The following LRIG2 variants were observed in gnomAD, a reference collection of about 807,000 sequenced individuals.
LRIG2 encodes leucine rich repeats and immunoglobulin like domains 2, also known as leucine-rich repeats and immunoglobulin-like domains protein 2.
LRIG2 carries 93 observed loss-of-function variants against 107.8 expected under a neutral mutation model. The observed-to-expected ratio is 0.86, with a 90% CI of 0.73 to 1.03. The LOEUF (loss-of-function observed/expected upper bound fraction) is 1.03, where lower values mean the gene tolerates loss of function less well. LRIG2 is among the 50% of genes least tolerant of loss of function. LRIG2 has a pLI of 0.00. For missense variants in LRIG2, 1,226 were observed against 1,296.0 expected, an observed-to-expected ratio of 0.95 and a Z score of 0.83; for synonymous variants, 471 against 470.6, an observed-to-expected ratio of 1.00 and a Z score of -0.01.
intron 12 of LRIG2, among the ~76,000 whole-genome samples, chr1:113,108,369 G>A (rs1221414545): frequency 2.6e-5 from 4 of 151,250 alleles, no homozygotes; most frequent in East Asian, 2.0e-4. Context: ...GATTACAGGC[G>A]TGTGCCACCA....
chr1:113,085,651 A>G (rs562124808), intron 1 of LRIG2, among the ~76,000 whole-genome samples: 1 of 152,306 alleles, frequency 6.6e-6, no homozygotes, highest in African/African-American at 2.4e-5. Context: ...CCACAAAGCA[A>G]AAATGCTTCC....
chr1:113,095,558 G>A (rs111553380), intron 6 of LRIG2, among the ~76,000 whole-genome samples: 3 of 151,930 alleles, frequency 2.0e-5, no homozygotes, highest in African/African-American at 7.2e-5. Context: ...ACAGGCGCGC[G>A]CCACCGTGCC....
At chr1:113,107,896 C>T in intron 12 of LRIG2, 139 bp downstream of exon 12, 2 of 714,370 alleles carry the variant, frequency 2.8e-6, no homozygotes, top group East Asian at 6.0e-5. Flanking sequence ...TGATCACAGG[C>T]ATTTTAATGA....
At chr1:113,091,267 T>C (rs375806256) in intron 1 of LRIG2, 51 bp from the exon 2 acceptor site, 179 of 1,195,868 alleles carry the variant, frequency 1.5e-4, no homozygotes, top group South Asian at 8.2e-4. Context: ...TTTTTTTCTT[T>C]AGGTCTACTT....
intron 11 of LRIG2, among the ~76,000 whole-genome samples, chr1:113,102,302 G>A (rs1218169772): frequency 1.3e-5 from 2 of 148,982 alleles, no homozygotes; most frequent in African/African-American, 5.0e-5. Flanking sequence ...ATGCAATCTC[G>A]CTCTTGCCCA....
chr1:113,086,174 T>A (rs1489389180), intron 1 of LRIG2, among the ~76,000 whole-genome samples: 1 of 151,966 alleles, frequency 6.6e-6, no homozygotes, highest in South Asian at 2.1e-4. Context: ...TGGCTAATTT[T>A]TTATATTTTT....
chr1:113,096,012 C>T lies in LRIG2; in HGVS notation c.942C>T (p.Ser314=), dbSNP rs772910591. ...PDAWEFCQRL[S]ELDLSYNQLT... ...CATGGGAGTTCTGCCAAAGACTATC[C>T]GAACTGTAAGTGTTGGATAGCATTT... Residue 314 remains serine, a synonymous_variant, in exon 7 of 18, where the codon TCC becomes TCT. Transcript: ENST00000361127. 24 of 1,613,976 alleles carry T rather than the reference C, an allele frequency of 1.5e-5. No individual in the cohort carries two copies. Among genetic ancestry groups the T allele is most frequent in the Non-Finnish European group, 1.8e-5 (21 of 1,180,024 alleles).
chr1:113,073,616 G>C lies in LRIG2; in HGVS notation c.210G>C (p.Ser70=), dbSNP rs1384507781. 1 of 1,613,256 alleles carries C rather than the reference G, an allele frequency of 6.2e-7. No homozygotes were observed. The highest frequency in any genetic ancestry group is 1.7e-5 in the Admixed American group (1 of 60,014). Residue 70 remains serine (S), a synonymous_variant, in exon 1 of 18, where the codon TCG becomes TCC. Coordinates refer to ENST00000361127, the MANE Select transcript of LRIG2 (RefSeq NM_014813.3). The part of the protein sequence containing the change: ...KLPAPSWRAL[S]GLLPPDTAIL... ...CCGCACCGAGCTGGAGGGCGCTGTCGGGCTTGCTGCCCCCCGACACCGCTA... is the reference window on the plus strand; with the variant it reads ...CCGCACCGAGCTGGAGGGCGCTGTCCGGCTTGCTGCCCCCCGACACCGCTA...
chr1:113,078,796 A>G (rs930969652), intron 1 of LRIG2, among the ~76,000 whole-genome samples: 3 of 151,300 alleles, frequency 2.0e-5, no homozygotes, highest in Admixed American at 6.6e-5. Context: ...ATGCACCACC[A>G]CGCCCAGCTA....
At chr1:113,114,931 T>C (rs2101061644) in intron 15 of LRIG2, 55 bp downstream of exon 15, 6 of 1,375,180 alleles carry the variant, frequency 4.4e-6, no homozygotes, top group Non-Finnish European at 6.0e-6. Context: ...GAATGTAGTA[T>C]AGGATTAATT....
intron 17 of LRIG2, among the ~76,000 whole-genome samples, chr1:113,119,874 A>G (rs184231945): frequency 2.2e-4 from 34 of 152,202 alleles, no homozygotes; most frequent in African/African-American, 7.9e-4. Context: ...TAGTGGTGCA[A>G]TCTTGGCTCA....
intron 2 of LRIG2, among the ~76,000 whole-genome samples, chr1:113,092,497 T>C (rs1426222061): frequency 6.6e-6 from 1 of 152,094 alleles, no homozygotes; most frequent in Non-Finnish European, 1.5e-5. Context: ...AAAATATATA[T>C]ACATTTGTGT....
At chr1:113,080,699 C>G (rs1653230987) in intron 1 of LRIG2, among the ~76,000 whole-genome samples, 1 of 152,030 alleles carries the variant, frequency 6.6e-6, no homozygotes, top group African/African-American at 2.4e-5. Context: ...TTTTAACTAT[C>G]TTACTATATG....
rs147717112 is a variant in LRIG2, at chr1:113,103,120, A to G, written c.1313+2632A>G. On this transcript the variant is annotated intron_variant, in intron 11 of 17. Coordinates refer to ENST00000361127, the MANE Select transcript of LRIG2 (RefSeq NM_014813.3). ...GGTCAAAGCAAATATTGCAGTCTCA[A>G]TCTTCAGAGAGTCATTTAGTAATTT... 3.3e-5 allele frequency: 5 copies of G among 152,274 alleles called. No individual in the cohort carries two copies. In the East Asian group the frequency reaches 9.6e-4, roughly 29 times the overall value. 9.4% of individuals were successfully genotyped at this position (152,274 alleles called of 1,614,324 possible).
At chr1:113,107,838 TTCCACTAGG>T in intron 12 of LRIG2, 81 bp downstream of exon 12, 3 of 1,259,300 alleles carry the variant, frequency 2.4e-6, no homozygotes, top group South Asian at 1.4e-5. Context: ...CAGAATGGTT[TTCCACTAGG>T]AATTTTTGTA....
intron 11 of LRIG2, among the ~76,000 whole-genome samples, chr1:113,101,985 G>GA (rs140502656): frequency 2.6e-4 from 39 of 148,844 alleles, no homozygotes; most frequent in Admixed American, 2.7e-4. Flanking sequence ...AACAACTGAA[G>GA]AAAAAAAAAA....
At chr1:113,087,520 TG>T (rs1192593892) in intron 1 of LRIG2, among the ~76,000 whole-genome samples, 2 of 152,078 alleles carry the variant, frequency 1.3e-5, no homozygotes, top group East Asian at 3.9e-4. Flanking sequence ...GGCTAATTTT[TG>T]TATTTTTTGT....
At chr1:113,117,341 CA>C (rs1477806700) in intron 16 of LRIG2, among the ~76,000 whole-genome samples, 1 of 152,204 alleles carries the variant, frequency 6.6e-6, no homozygotes, top group Non-Finnish European at 1.5e-5. Context: ...ATCTTTTCAG[CA>C]AATCTGTGTG....
At chr1:113,121,368 GC>G (rs1258095108) in intron 17 of LRIG2, among the ~76,000 whole-genome samples, 2 of 152,168 alleles carry the variant, frequency 1.3e-5, no homozygotes, top group African/African-American at 4.8e-5. Context: ...GTAATGCTGA[GC>G]ATGTGTGTCT....
Sources: allele counts gnomAD v4.1 joint callset (sites outside exome capture counted in the v4.1 genomes callset), GRCh38; gene constraint gnomAD v4.1.1; transcripts MANE v1.5; gene names NCBI Gene and HGNC (gene_info 2026-07-23, HGNC 2026-07-21).